The following ADAMTSL2 variants were observed in gnomAD, a reference collection of about 807,000 sequenced individuals.
The protein encoded by ADAMTSL2 is ADAMTS-like protein 2.
A neutral mutation model predicts 117.0 loss-of-function variants in ADAMTSL2; 55 were observed. The ratio of observed to expected loss-of-function variants is 0.47; its 90% CI spans 0.38 to 0.59. The LOEUF (loss-of-function observed/expected upper bound fraction) is 0.59, where lower values mean the gene tolerates loss of function less well. Ranked by LOEUF, ADAMTSL2 falls within the 20% of genes least tolerant of loss-of-function variation. The pLI is 0.00. For synonymous variants in ADAMTSL2, 572 were observed against 566.4 expected (o/e 1.01, Z -0.14); for missense variants, 1,182 against 1,354.5 (o/e 0.87, Z 2.00).
In ADAMTSL2 at chr9:133,549,251, G is replaced by A. The variant is rs1830427372; in HGVS notation, c.939+2038G>A. 1.5e-5 allele frequency among the ~76,000 whole-genome samples: 2 copies of A among 135,744 alleles called. 1 individual carries two copies. Among genetic ancestry groups the A allele is most frequent in the South Asian group, 5.0e-4 (2 of 4,008 alleles). The allele number at this position is 135,744 out of a possible 152,430, so 89.1% of individuals were successfully genotyped here. On this transcript the variant is annotated intron_variant, in intron 9 of 18. Transcript: ENST00000651351. ...GATCTCCTGACCTCGTGATCCGCCC[G>A]CCTCGGCCTCCCAAAGTGCTGGGAT...
In ADAMTSL2 at chr9:133,539,774, T is replaced by C; in HGVS notation, c.313T>C (p.Cys105Arg). ...KRYQLCRVQE[C>R]PPDGRSFREE... ...TCCCTGTCCCTTCGCTTCCCAGGAG[T>C]GTCCGCCGGACGGGAGGAGCTTCCG... The change falls in exon 5 of 19, where the codon TGT becomes CGT. Residue 105 changes from cysteine (C) to arginine (R), a missense_variant. By Grantham distance (180) the Cys-to-Arg change is radical. Coordinates refer to ENST00000651351, the MANE Select transcript of ADAMTSL2 (RefSeq NM_014694.4). 2 of 1,437,514 alleles carry C rather than the reference T, an allele frequency of 1.4e-6. No individual in the cohort carries two copies. Among genetic ancestry groups the C allele is most frequent in the Non-Finnish European group, 1.8e-6 (2 of 1,089,432 alleles). 89.0% of individuals were successfully genotyped at this position (1,437,514 alleles called of 1,614,324 possible). A position where few individuals can be genotyped will look rare whatever the true frequency, so the allele number is the denominator to read the frequency against.
At chr9:133,550,190 A>T (rs1830450782) in intron 9 of ADAMTSL2, among the ~76,000 whole-genome samples, 1 of 152,262 alleles carries the variant, frequency 6.6e-6, no homozygotes. Context: ...GCAAGCTGGA[A>T]GTAAGATCTA....
At chr9:133,561,041 C>CT (rs1408897041) in intron 11 of ADAMTSL2, among the ~76,000 whole-genome samples, 157 bp from the exon 12 acceptor site, 1 of 152,262 alleles carries the variant, frequency 6.6e-6, no homozygotes, top group Non-Finnish European at 1.5e-5. Flanking sequence ...AGTGGGAACT[C>CT]TGACCGTAGC....
intron 8 of ADAMTSL2, among the ~76,000 whole-genome samples, chr9:133,546,094 TG>T (rs1830340865): frequency 6.6e-6 from 1 of 151,736 alleles, no homozygotes; most frequent in Non-Finnish European, 1.5e-5. Flanking sequence ...GAAGACAGAG[TG>T]TCCCGAGCGC....
chr9:133,570,210 A>G (rs201348912), intron 16 of ADAMTSL2, 121 bp from the exon 17 acceptor site: 13,109 of 1,116,194 alleles, frequency 0.012, 276 homozygotes, highest in East Asian at 0.081. Flanking sequence ...TTTGTTATGC[A>G]CTGGAGCATT....
At chr9:133,564,638 GA>G in intron 12 of ADAMTSL2, among the ~76,000 whole-genome samples, 1 of 36,760 alleles carries the variant, frequency 2.7e-5, no homozygotes, top group Non-Finnish European at 7.6e-5. Flanking sequence ...GAGAGAGAGA[GA>G]GGGAGAGAGG....
Position 133,554,773 on chromosome 9 carries a change from C to A in ADAMTSL2, c.1276+80C>A. ...GGGGCCTTGGGGAAGGGGTCTCAGA[C>A]CCTTTGCAGACCTGCAGAGGAGGTT... On this transcript the variant is annotated intron_variant, in intron 10 of 18. Transcript: ENST00000651351. This position sits in a 1 kb window ranked among gnomAD's most constrained non-coding sequence, Gnocchi z 5.2. 1.6e-6 allele frequency: 2 copies of A among 1,275,266 alleles called. No homozygotes were observed. The highest frequency in any genetic ancestry group is 2.1e-6 in the Non-Finnish European group (2 of 946,408). 79.0% of individuals were successfully genotyped at this position (1,275,266 alleles called of 1,614,324 possible).
In ADAMTSL2 at chr9:133,569,446, C is replaced by A. The variant is rs917413064; in HGVS notation, c.2283C>A (p.His761Gln). 1.4e-5 allele frequency: 22 copies of A among 1,613,484 alleles called. No individual in the cohort carries two copies. Among genetic ancestry groups the A allele is most frequent in the African/African-American group, 2.7e-5 (2 of 74,926 alleles). Residue 761 changes from histidine to glutamine, a missense_variant, in exon 16 of 19, where the codon CAC (histidine) becomes CAA (glutamine). This residue lies in a region of ADAMTSL2 where 465 missense variants were observed against 565.3 expected (regional missense o/e 0.82). Transcript: ENST00000651351. Reference protein sequence around the residue: ...GSCGQGRTIRHVYCKTSDGRV... With the variant: ...GSCGQGRTIRQVYCKTSDGRV... The stretch of plus-strand genomic sequence containing the variant: ...GCGGGCAAGGCCGCACCATCAGGCA[C>A]GTGTACTGCAAGACCAGCGACGGAC...
chr9:133,540,259 C>T (rs1830183283), intron 5 of ADAMTSL2, among the ~76,000 whole-genome samples: 1 of 152,216 alleles, frequency 6.6e-6, no homozygotes, highest in African/African-American at 2.4e-5. Flanking sequence ...TCATCCTTCT[C>T]CTGCTCACCC....
At position 133,575,193 on chromosome 9, in the gene ADAMTSL2, G is replaced by GGTGTCTTGCTC; in HGVS notation, c.*329_*330insGTGTCTTGCTC. ...CCGAGGGGCCCAGGGCCCACAGCCA[G>GGTGTCTTGCTC]CGGTGGAGGTGTCTTGCTCCGGGCC... is the stretch of plus-strand genomic sequence containing the variant. On this transcript the variant is annotated 3_prime_UTR_variant, in exon 19 of 19. Transcript: ENST00000651351. The GGTGTCTTGCTC allele has an allele frequency of 1.0e-5, 4 of 388,744 alleles. No homozygotes were observed. Among genetic ancestry groups the GGTGTCTTGCTC allele is most frequent in the Non-Finnish European group, 1.9e-5 (4 of 207,276 alleles). 24.1% of individuals were successfully genotyped at this position (388,744 alleles called of 1,614,324 possible).
In ADAMTSL2 at chr9:133,568,454, G is replaced by A; in HGVS notation, c.2056G>A (p.Gly686Arg). The change falls in exon 14 of 19, where the codon GGG (glycine) becomes AGG (arginine). Residue 686 changes from glycine to arginine, a missense_variant. Gly to Arg is a moderately radical substitution (Grantham distance 125, BLOSUM62 -2). Transcript: ENST00000651351. ...CAAGACCTGCCGGAACCCCGCCTGC[G>A]GGCCCCAGTGGGAGATGTCGGAGTG... ...ERKTCRNPAC[G>R]PQWEMSEWSE... 1.2e-6 allele frequency: 2 copies of A among 1,607,240 alleles called. No homozygotes were observed. The highest frequency in any genetic ancestry group is 1.1e-5 in the South Asian group (1 of 89,988).
At position 133,561,914 on chromosome 9, in the gene ADAMTSL2, T is replaced by C. The variant is rs894313791; in HGVS notation, c.1747+619T>C. 3.0e-3 allele frequency among the ~76,000 whole-genome samples: 463 copies of C among 152,244 alleles called. 1 individual carries two copies. Among genetic ancestry groups the C allele is most frequent in the African/African-American group, 0.011 (451 of 41,550 alleles). ...CTGGAGCTGCCTCTGCTGCCCACTC[T>C]AGTACCCTCCCCTGGGGGATGCCGC... On this transcript the variant is annotated intron_variant, in intron 12 of 18. Coordinates refer to ENST00000651351, the MANE Select transcript of ADAMTSL2 (RefSeq NM_014694.4).
intron 9 of ADAMTSL2, among the ~76,000 whole-genome samples, chr9:133,549,864 G>A (rs1341716264): frequency 6.6e-6 from 1 of 152,202 alleles, no homozygotes; most frequent in Non-Finnish European, 1.5e-5. Context: ...AAGGTCTCCA[G>A]ACCACAGACC....
rs1226342493 is a variant in ADAMTSL2, at chr9:133,558,273, G to A, written c.1649+2343G>A. ...CTGCCGCACAGGGACCAAAGATGGT[G>A]TGGAGAGATAAAGGGCAGAGGGAGG... On this transcript the variant is annotated intron_variant, in intron 11 of 18. Coordinates refer to ENST00000651351, the MANE Select transcript of ADAMTSL2 (RefSeq NM_014694.4). This position sits in a 1 kb window ranked among gnomAD's most constrained non-coding sequence, Gnocchi z 4.3. 6.6e-6 allele frequency among the ~76,000 whole-genome samples: 1 copy of A among 152,216 alleles called. No individual in the cohort carries two copies. The highest frequency in any genetic ancestry group is 6.5e-5 in the Admixed American group (1 of 15,286).
chr9:133,554,809 G>T lies in ADAMTSL2; in HGVS notation c.1276+116G>T. The T allele has an allele frequency of 2.2e-6, 2 of 918,498 alleles. No individual in the cohort carries two copies. Among genetic ancestry groups the T allele is most frequent in the South Asian group, 3.6e-5 (2 of 56,068 alleles). 56.9% of individuals were successfully genotyped at this position (918,498 alleles called of 1,614,324 possible). On this transcript the variant is annotated intron_variant, in intron 10 of 18. Coordinates refer to ENST00000651351, the MANE Select transcript of ADAMTSL2 (RefSeq NM_014694.4). The surrounding 1 kb of genome is among the most constrained non-coding windows in gnomAD (Gnocchi z 5.2). ...CCTGCAGAGGAGGTTCCTAAGAGCT[G>T]CCAGCTACCTGCAGATGTCCTCTGG...
At chr9:133,555,519 C>T (rs976459224) in intron 10 of ADAMTSL2, 39 bp from the exon 11 acceptor site, 11 of 1,612,506 alleles carry the variant, frequency 6.8e-6, no homozygotes, top group African/African-American at 5.3e-5. Flanking sequence ...CCCCAGGGCT[C>T]GGATGTGCCC....
intron 9 of ADAMTSL2, among the ~76,000 whole-genome samples, chr9:133,552,822 A>G (rs1369898730): frequency 2.0e-5 from 3 of 152,172 alleles, no homozygotes; most frequent in African/African-American, 7.2e-5. Context: ...CTACATCTGC[A>G]TCCTTTAGGT....
At chr9:133,556,832 T>A (rs1830613836) in intron 11 of ADAMTSL2, among the ~76,000 whole-genome samples, 1 of 152,090 alleles carries the variant, frequency 6.6e-6, no homozygotes, top group East Asian at 1.9e-4. Flanking sequence ...ACCTGTCGTG[T>A]CCCTACTGGA....
intron 18 of ADAMTSL2, among the ~76,000 whole-genome samples, 200 bp from the exon 19 acceptor site, chr9:133,574,546 T>C (rs1217820318): frequency 6.6e-6 from 1 of 152,050 alleles, no homozygotes; most frequent in Non-Finnish European, 1.5e-5. Flanking sequence ...ACAGATCAAA[T>C]CACCTGGCAT....
Sources: allele counts gnomAD v4.1 joint callset (sites outside exome capture counted in the v4.1 genomes callset), GRCh38; gene constraint gnomAD v4.1.1; regional missense constraint gnomAD v4.1.1; non-coding constraint Gnocchi (gnomAD v3.1); transcripts MANE v1.5; gene names NCBI Gene and HGNC (gene_info 2026-07-23, HGNC 2026-07-21).